IPO11: variants seen among roughly 807,000 people sequenced by gnomAD.
The protein encoded by IPO11 is importin 11.
A neutral mutation model predicts 143.2 loss-of-function variants in IPO11; 66 were observed. The observed-to-expected ratio is 0.46, with a 90% CI of 0.38 to 0.57. IPO11 has a LOEUF of 0.57. Ranked by LOEUF, IPO11 falls within the 20% of genes least tolerant of loss-of-function variation. IPO11 has a pLI of 0.00. For synonymous variants in IPO11, 385 were observed against 377.8 expected (o/e 1.02, Z -0.22); for missense variants, 1,026 against 1,141.0 (o/e 0.90, Z 1.45).
intron 7 of IPO11, 135 bp from the exon 8 acceptor site, chr5:62,474,281 A>T: frequency 3.6e-6 from 2 of 553,378 alleles, no homozygotes; most frequent in Middle Eastern, 5.0e-4. Context: ...TTTTTGCTTA[A>T]CTAATTTTAA....
chr5:62,534,010 G>A (rs185353647), intron 22 of IPO11, among the ~76,000 whole-genome samples: 22 of 151,336 alleles, frequency 1.5e-4, no homozygotes, highest in African/African-American at 4.6e-4. Context: ...AACATATAAA[G>A]CCAACATTAT....
At chr5:62,490,326 G>A (rs79558975) in intron 15 of IPO11, 106 bp downstream of exon 15, 157 of 624,400 alleles carry the variant, frequency 2.5e-4, no homozygotes, top group African/African-American at 2.3e-3. Context: ...AAATGCAATC[G>A]TATAAGTTAG....
At chr5:62,569,409 T>C (rs1744062586) in intron 27 of IPO11, among the ~76,000 whole-genome samples, 1 of 152,212 alleles carries the variant, frequency 6.6e-6, no homozygotes, top group African/African-American at 2.4e-5. Context: ...TACAGATTAT[T>C]CTGCAAATTG....
rs375791188 is a variant in IPO11, at chr5:62,494,139, T to G, written c.1590+15T>G. The G allele has an allele frequency of 4.4e-6, 7 of 1,603,022 alleles. No homozygotes were observed. The highest frequency in any genetic ancestry group is 6.0e-6 in the Non-Finnish European group (7 of 1,174,716). ...AAGATTTAGTGGTATGTTTCTTAAG[T>G]GCCTTAAAAGAGTTAGTTTTTAAAG... is the stretch of plus-strand genomic sequence containing the variant. On this transcript the variant is annotated intron_variant, in intron 16 of 29. Transcript: ENST00000325324.
intron 16 of IPO11, among the ~76,000 whole-genome samples, chr5:62,497,295 C>CTT (rs1274313930): frequency 2.0e-5 from 3 of 152,138 alleles, no homozygotes; most frequent in Non-Finnish European, 4.4e-5. Flanking sequence ...AGAAGAAGCA[C>CTT]TTGTGTGCTC....
intron 7 of IPO11, among the ~76,000 whole-genome samples, chr5:62,473,041 T>C (rs1745836913): frequency 1.3e-5 from 2 of 152,214 alleles, no homozygotes; most frequent in African/African-American, 4.8e-5. Context: ...CTAATTCTTT[T>C]ATAATTGAAA....
rs553995374 is a variant in IPO11, at chr5:62,579,747, C to G, written c.2583-11830C>G. ...ACATTCTGTATGTATATCCAAAAGC[C>G]TTTGTTCAATTGAGGCATCTATATT... On this transcript the variant is annotated intron_variant, in intron 27 of 29. Coordinates refer to ENST00000325324, the MANE Select transcript of IPO11 (RefSeq NM_016338.5). 1.9e-6 allele frequency: 3 copies of G among 1,547,190 alleles called. No homozygotes were observed. In the South Asian group the frequency reaches 3.6e-5, roughly 19 times the overall value.
At chr5:62,589,572 T>G (rs894376300) in intron 27 of IPO11, among the ~76,000 whole-genome samples, 8 of 152,178 alleles carry the variant, frequency 5.3e-5, no homozygotes, top group Non-Finnish European at 2.9e-5. Flanking sequence ...TTTCTCTTTA[T>G]TCCCATGTCC....
intron 9 of IPO11, among the ~76,000 whole-genome samples, chr5:62,479,724 CATAA>C (rs1746112687): frequency 6.6e-6 from 1 of 152,196 alleles, no homozygotes; most frequent in Non-Finnish European, 1.5e-5. Context: ...CTGCTGGCTG[CATAA>C]ATGTCTTCTT....
chr5:62,448,100 T>C (rs1207053578), intron 3 of IPO11, among the ~76,000 whole-genome samples: 2 of 152,206 alleles, frequency 1.3e-5, no homozygotes, highest in African/African-American at 2.4e-5. Context: ...TTTCTTCTTA[T>C]CTGCAGGTGA....
chr5:62,611,123 A>G (rs967696848), intron 29 of IPO11, among the ~76,000 whole-genome samples: 2 of 152,192 alleles, frequency 1.3e-5, no homozygotes, highest in South Asian at 2.1e-4. Flanking sequence ...AAATATTTCA[A>G]AATTGTAAAC....
Position 62,462,624 on chromosome 5 carries a change from G to C in IPO11, c.517-4507G>C, listed in dbSNP as rs1397793068. ...TAGCTCACTGCAACCTCAAGCTCCT[G>C]GGCTCAAGCAATCCTCCTGTCTCAG... is the stretch of plus-strand genomic sequence containing the variant. On this transcript the variant is annotated intron_variant, in intron 5 of 29. Coordinates refer to ENST00000325324, the MANE Select transcript of IPO11 (RefSeq NM_016338.5). Among the ~76,000 whole-genome samples the C allele has an allele frequency of 3.3e-5, 5 of 152,206 alleles. No homozygotes were observed. The East Asian group carries it at 9.6e-4, about 29-fold the overall frequency.
At chr5:62,486,089 T>TTTCC (rs899642680) in intron 12 of IPO11, among the ~76,000 whole-genome samples, 4 of 151,262 alleles carry the variant, frequency 2.6e-5, no homozygotes, top group Non-Finnish European at 2.9e-5. Flanking sequence ...CATGCCATTC[T>TTTCC]CCTGCCTCAG....
chr5:62,467,456 C>T (rs1157467381), intron 6 of IPO11, among the ~76,000 whole-genome samples, 193 bp downstream of exon 6: 1 of 117,222 alleles, frequency 8.5e-6, no homozygotes, highest in Non-Finnish European at 2.0e-5. Flanking sequence ...TTTTTGAAAG[C>T]ACATATAATA....
intron 2 of IPO11, among the ~76,000 whole-genome samples, chr5:62,438,951 T>TG (rs1744342110): frequency 6.6e-6 from 1 of 150,860 alleles, no homozygotes; most frequent in South Asian, 2.1e-4. Flanking sequence ...CCCAGCTACT[T>TG]GGGAGGCTGA....
chr5:62,617,443 A>G (rs961244633), intron 29 of IPO11, among the ~76,000 whole-genome samples: 13 of 152,212 alleles, frequency 8.5e-5, no homozygotes, highest in Admixed American at 6.5e-4. Flanking sequence ...AGAGGGAAGT[A>G]ATAGAATTAA....
At chr5:62,561,291 C>CGGCCGGGCGTGGTGGCTCACGCCTGT in intron 27 of IPO11, 34 bp downstream of exon 27, 2 of 1,278,572 alleles carry the variant, frequency 1.6e-6, no homozygotes, top group South Asian at 2.9e-5. Context: ...TTGTTTCTTT[C>CGGCCGGGCGTGGTGGCTCACGCCTGT]AAGCATCAAA....
intron 26 of IPO11, among the ~76,000 whole-genome samples, chr5:62,555,419 C>G (rs927977691): frequency 6.6e-6 from 1 of 151,928 alleles, no homozygotes; most frequent in Admixed American, 6.5e-5. Flanking sequence ...CTCAGGTGAT[C>G]TTTTCACCTT....
chr5:62,442,897 G>T, intron 2 of IPO11, 86 bp from the exon 3 acceptor site: 3 of 379,748 alleles, frequency 7.9e-6, no homozygotes, highest in African/African-American at 4.0e-5. Flanking sequence ...ACAAAACAAA[G>T]ATCTGTCCAT....
Sources: gnomAD v4.1 joint callset for allele counts (sites outside exome capture counted in the v4.1 genomes callset) on GRCh38, gnomAD v4.1.1 for gene constraint, MANE v1.5 for transcripts, NCBI Gene and HGNC (gene_info 2026-07-23, HGNC 2026-07-21) for gene names.